PNPLA1: variants seen among roughly 807,000 people sequenced by gnomAD.
PNPLA1 encodes the protein omega-hydroxyceramide transacylase.
In PNPLA1, 36 loss-of-function variants were observed where a neutral mutation model predicts 51.7. The observed-to-expected ratio is 0.70, with a 90% confidence interval of 0.53 to 0.92. PNPLA1 has a LOEUF of 0.92. Among genes scored for constraint, PNPLA1 ranks in the 40% least tolerant of loss-of-function variants. PNPLA1 has a pLI of 0.00. For synonymous variants in PNPLA1, 293 were observed against 280.1 expected (o/e 1.05, Z -0.46); for missense variants, 658 against 682.5 (o/e 0.96, Z 0.40).
intron 1 of PNPLA1, among the ~76,000 whole-genome samples, chr6:36,277,602 G>A (rs766535886): frequency 7.2e-5 from 11 of 152,214 alleles, no homozygotes; most frequent in Non-Finnish European, 1.5e-5. Context: ...AGTGGCTCGT[G>A]CCTGTGAGCC....
Position 36,297,888 on chromosome 6 carries a change from A to ACACACACACC in PNPLA1, c.775+2465_775+2466insACACACACCC, listed in dbSNP as rs60041749. Among the ~76,000 whole-genome samples, 462 of 150,776 alleles carry ACACACACACC rather than the reference A, an allele frequency of 3.1e-3. 2 individuals carry two copies. Among genetic ancestry groups the ACACACACACC allele is most frequent in the African/African-American group, 0.01 (426 of 40,830 alleles). Reference sequence around the variant, plus strand: ...TGTACACACACACACACACACACACACCCTGTGAAACCATCACCACAATTA... The same window carrying ACACACACACC: ...TGTACACACACACACACACACACACACACACACACCCCCTGTGAAACCATCACCACAATTA... On this transcript the variant is annotated intron_variant, in intron 5 of 8. Transcript: ENST00000636260.
At chr6:36,261,445 G>A (rs1052074572) in intron 1 of PNPLA1, among the ~76,000 whole-genome samples, 3 of 152,244 alleles carry the variant, frequency 2.0e-5, no homozygotes, top group African/African-American at 7.2e-5. Context: ...GCTCCCACAT[G>A]AGGAAAAGGG....
intron 5 of PNPLA1, among the ~76,000 whole-genome samples, chr6:36,301,113 C>CA (rs1771028907): frequency 1.1e-5 from 1 of 94,650 alleles, no homozygotes; most frequent in South Asian, 3.7e-4. Context: ...GCCATCCCCC[C>CA]GCCCCCCCAC....
chr6:36,260,362 C>G (rs1022504732), intron 1 of PNPLA1, among the ~76,000 whole-genome samples: 2 of 152,030 alleles, frequency 1.3e-5, no homozygotes, highest in African/African-American at 4.8e-5. Context: ...AGAAACCTTA[C>G]AACTTGGGGG....
chr6:36,251,590 A>G (rs1039932504), intron 1 of PNPLA1, among the ~76,000 whole-genome samples: 13 of 152,126 alleles, frequency 8.5e-5, no homozygotes, highest in African/African-American at 2.7e-4. Flanking sequence ...AGTTGATACC[A>G]TGGCCAAATA....
chr6:36,270,778 A>G, intron 1 of PNPLA1, 114 bp downstream of exon 1: 2 of 1,240,944 alleles, frequency 1.6e-6, no homozygotes, highest in Non-Finnish European at 2.2e-6. Context: ...CCTGGGTGGC[A>G]GGAAGGGAAG....
upstream of PNPLA1, among the ~76,000 whole-genome samples, chr6:36,267,515 A>C (rs1305685995): frequency 6.6e-6 from 1 of 152,120 alleles, no homozygotes; most frequent in African/African-American, 2.4e-5. Flanking sequence ...GCATTCGTGG[A>C]AGTCAGCCGG....
rs959138939 is a variant in PNPLA1, at chr6:36,307,728, G to A, written c.1595+16G>A. 6.2e-7 allele frequency: 1 copy of A among 1,613,394 alleles called. No homozygotes were observed. The highest frequency in any genetic ancestry group is 1.3e-5 in the African/African-American group (1 of 75,036). On this transcript the variant is annotated intron_variant, in intron 8 of 8. Transcript: ENST00000636260. ...GCAAAGTGCAGTGAGCATGTCTAAT[G>A]TTCCTTAAATCCCACGGAGAGGAGC...
At chr6:36,311,347 G>T (rs1312753864) in intron 8 of PNPLA1, among the ~76,000 whole-genome samples, 1 of 152,184 alleles carries the variant, frequency 6.6e-6, no homozygotes, top group Non-Finnish European at 1.5e-5. Context: ...ACACGGGATG[G>T]CCCAGAACAA....
intron 1 of PNPLA1, among the ~76,000 whole-genome samples, chr6:36,263,161 A>G (rs905969984): frequency 1.3e-5 from 2 of 152,248 alleles, no homozygotes; most frequent in African/African-American, 4.8e-5. Flanking sequence ...AATATAAACT[A>G]TAAAAGAAAA....
chr6:36,298,733 G>A (rs1770934035), intron 5 of PNPLA1, among the ~76,000 whole-genome samples: 1 of 152,176 alleles, frequency 6.6e-6, no homozygotes, highest in Non-Finnish European at 1.5e-5. Flanking sequence ...GCTGTAGCAT[G>A]TGACAGGATT....
At chr6:36,307,552 C>T (rs1771277155) in intron 7 of PNPLA1, 35 bp from the exon 8 acceptor site, 2 of 1,607,500 alleles carry the variant, frequency 1.2e-6, no homozygotes, top group Admixed American at 3.4e-5. Context: ...GAGGTCAGGC[C>T]CATAATGAAC....
At chr6:36,296,774 T>A (rs6918225) in intron 5 of PNPLA1, among the ~76,000 whole-genome samples, 1 of 151,842 alleles carries the variant, frequency 6.6e-6, no homozygotes, top group Admixed American at 6.6e-5. Flanking sequence ...AAGGCCCCCA[T>A]CCCACCCACA....
At chr6:36,307,214 C>A (rs1038075999) in intron 7 of PNPLA1, among the ~76,000 whole-genome samples, 12 of 152,116 alleles carry the variant, frequency 7.9e-5, no homozygotes, top group African/African-American at 2.9e-4. Context: ...TCTCTCACAT[C>A]AAGCATATTA....
At chr6:36,284,849 G>A (rs1307555605) in intron 1 of PNPLA1, among the ~76,000 whole-genome samples, 1 of 152,026 alleles carries the variant, frequency 6.6e-6, no homozygotes, top group Non-Finnish European at 1.5e-5. Flanking sequence ...GATTTCTTTC[G>A]AACAAAGCCT....
chr6:36,300,340 G>C (rs1016745624), intron 5 of PNPLA1, among the ~76,000 whole-genome samples: 1 of 152,038 alleles, frequency 6.6e-6, no homozygotes, highest in African/African-American at 2.4e-5. Flanking sequence ...GGCTACAGGT[G>C]CATGCCACTA....
rs1178009214 is a variant in PNPLA1 at position 36,289,544 on chromosome 6, A to T, written c.206-1776A>T. 3.9e-5 allele frequency among the ~76,000 whole-genome samples: 6 copies of T among 152,068 alleles called. No individual in the cohort carries two copies. In the East Asian group the frequency reaches 1.2e-3, roughly 29 times the overall value. On this transcript the variant is annotated intron_variant, in intron 1 of 8. Transcript: ENST00000636260. ...GAGCACCCTCCCCTGTAGGAGGGTGACAATTACGATGCTGCATTGCTCAGG... is the reference window on the plus strand; with the variant it reads ...GAGCACCCTCCCCTGTAGGAGGGTGTCAATTACGATGCTGCATTGCTCAGG...
Position 36,302,023 on chromosome 6 carries a change from AG to A in PNPLA1, c.939del (p.Glu313AspfsTer54). 6.2e-7 allele frequency: 1 copy of A among 1,614,196 alleles called. No homozygotes were observed. Among genetic ancestry groups the A allele is most frequent in the South Asian group, 1.1e-5 (1 of 91,084 alleles). ...SLEGATQPHK[E>X]WVPKGDGRGS... ...GAAGGAGCCACACAACCTCACAAGG[AG>A]TGGGTTCCCAAAGGGGATGGAAGGG... On this transcript the variant is annotated frameshift_variant, in exon 6 of 9. Coordinates refer to ENST00000636260, the MANE Select transcript of PNPLA1 (RefSeq NM_001374623.1). LOFTEE classifies it high-confidence loss of function.
At chr6:36,299,101 A>G (rs907875065) in intron 5 of PNPLA1, among the ~76,000 whole-genome samples, 1 of 152,140 alleles carries the variant, frequency 6.6e-6, no homozygotes, top group African/African-American at 2.4e-5. Flanking sequence ...CTGACAAAGG[A>G]CACTGGAGTT....
Sources: gnomAD v4.1 joint callset for allele counts (sites outside exome capture counted in the v4.1 genomes callset) on GRCh38, gnomAD v4.1.1 for gene constraint, MANE v1.5 for transcripts, NCBI Gene and HGNC (gene_info 2026-07-23, HGNC 2026-07-21) for gene names.